RALYL: variants seen among roughly 807,000 people sequenced by gnomAD.
The protein encoded by RALYL is RNA-binding Raly-like protein.
Under a neutral mutation model 35.1 loss-of-function variants are expected in RALYL, and 29 were observed. The ratio of observed to expected loss-of-function variants is 0.83; its 90% CI spans 0.61 to 1.13. RALYL has a LOEUF of 1.13. RALYL is among the 50% of genes most tolerant of loss of function. The pLI is 0.00. For missense variants in RALYL, 359 were observed against 360.4 expected (o/e 1.00, Z 0.03); for synonymous variants, 120 against 127.6 (o/e 0.94, Z 0.40).
At chr8:84,695,232 C>T (rs1279874392) in intron 2 of RALYL, among the ~76,000 whole-genome samples, 1 of 151,702 alleles carries the variant, frequency 6.6e-6, no homozygotes, top group Non-Finnish European at 1.5e-5. Context: ...TCAGCTGTCA[C>T]TAACCTGTTC....
At chr8:84,217,922 G>A (rs1353653987) in intron 1 of RALYL, among the ~76,000 whole-genome samples, 2 of 151,984 alleles carry the variant, frequency 1.3e-5, no homozygotes, top group African/African-American at 4.8e-5. Context: ...ATGTGAAATG[G>A]CTATTATCAA....
At chr8:84,354,976 A>C (rs529342833) in intron 1 of RALYL, among the ~76,000 whole-genome samples, 2 of 150,328 alleles carry the variant, frequency 1.3e-5, no homozygotes, top group Admixed American at 1.3e-4. Flanking sequence ...GAGTGCTTCT[A>C]TCTCATGCGC....
chr8:84,892,953 A>G (rs1027470025), intron 8 of RALYL, among the ~76,000 whole-genome samples: 1 of 152,216 alleles, frequency 6.6e-6, no homozygotes, highest in African/African-American at 2.4e-5. Context: ...TTCTGAATAA[A>G]TCCACTAGCA....
chr8:84,460,562 G>A (rs779348026), intron 1 of RALYL, among the ~76,000 whole-genome samples: 2 of 151,460 alleles, frequency 1.3e-5, no homozygotes, highest in Non-Finnish European at 3.0e-5. Flanking sequence ...AAACATCAAG[G>A]TTCAGAACAG....
At chr8:84,351,438 C>T (rs1563774911) in intron 1 of RALYL, among the ~76,000 whole-genome samples, 1 of 149,624 alleles carries the variant, frequency 6.7e-6, no homozygotes, top group Non-Finnish European at 1.5e-5. Flanking sequence ...TTAGAATTTA[C>T]AGAATCCTGT....
chr8:84,524,628 C>G (rs555095191), intron 1 of RALYL, among the ~76,000 whole-genome samples: 5 of 152,200 alleles, frequency 3.3e-5, no homozygotes, highest in African/African-American at 1.2e-4. Context: ...AATATTTTAT[C>G]TAAAGCACAT....
chr8:84,246,063 C>T (rs1440630091), intron 1 of RALYL, among the ~76,000 whole-genome samples: 2 of 152,042 alleles, frequency 1.3e-5, no homozygotes, highest in Non-Finnish European at 2.9e-5. Flanking sequence ...GACAGTGGTC[C>T]TGGGAGAGAG....
intron 1 of RALYL, among the ~76,000 whole-genome samples, chr8:84,253,259 A>G (rs1830577724): frequency 7.9e-6 from 1 of 127,280 alleles, no homozygotes; most frequent in Non-Finnish European, 1.6e-5. Context: ...GTGCGATCTC[A>G]GCTCACTTCA....
chr8:84,474,170 G>C lies in RALYL; in HGVS notation c.-23-55129G>C, dbSNP rs79433272. Among the ~76,000 whole-genome samples the C allele has an allele frequency of 3.6e-4, 55 of 152,132 alleles. No individual in the cohort carries two copies. The East Asian group carries it at 0.01, about 29-fold the overall frequency. ...CTATCTTTAAAACAAAATTAAACAT[G>C]CGAAAGAAATGGAGGTTTAGTAATG... On this transcript the variant is annotated intron_variant, in intron 1 of 8. Transcript: ENST00000521268.
chr8:84,347,528 T>A lies in RALYL; in HGVS notation c.-24+163104T>A, dbSNP rs190354496. On this transcript the variant is annotated intron_variant, in intron 1 of 8. Transcript: ENST00000521268. Reference sequence around the variant, plus strand: ...TAATCTGCCCTCTCTAAGGTTAATATCCTGTTCTTCTTGGTTAGTTAGGAT... The same window carrying A: ...TAATCTGCCCTCTCTAAGGTTAATAACCTGTTCTTCTTGGTTAGTTAGGAT... Among the ~76,000 whole-genome samples the A allele has an allele frequency of 2.6e-5, 4 of 152,194 alleles. No individual in the cohort carries two copies. In the East Asian group the frequency reaches 7.8e-4, roughly 30 times the overall value.
chr8:84,257,411 G>T (rs1831409093), intron 1 of RALYL, among the ~76,000 whole-genome samples: 2 of 152,038 alleles, frequency 1.3e-5, no homozygotes, highest in African/African-American at 4.8e-5. Flanking sequence ...GTTACCACTG[G>T]CTATGCCTGG....
intron 1 of RALYL, among the ~76,000 whole-genome samples, chr8:84,471,409 C>A (rs2052728752): frequency 6.7e-6 from 1 of 149,508 alleles, no homozygotes; most frequent in African/African-American, 2.5e-5. Flanking sequence ...ATAGCAAGAC[C>A]ACATCTGTAC....
At chr8:84,583,408 G>A (rs1417603234) in intron 2 of RALYL, among the ~76,000 whole-genome samples, 6 of 152,096 alleles carry the variant, frequency 3.9e-5, no homozygotes, top group African/African-American at 4.8e-5. Context: ...ACAATGCAGT[G>A]CCATACTTAG....
At chr8:84,618,437 A>T (rs1820398125) in intron 2 of RALYL, among the ~76,000 whole-genome samples, 1 of 150,106 alleles carries the variant, frequency 6.7e-6, no homozygotes, top group African/African-American at 2.5e-5. Context: ...ATTGGTGGTG[A>T]TATCCCCTTT....
At chr8:84,482,489 C>T (rs1231061848) in intron 1 of RALYL, among the ~76,000 whole-genome samples, 2 of 151,946 alleles carry the variant, frequency 1.3e-5, no homozygotes, top group Non-Finnish European at 2.9e-5. Flanking sequence ...TGTTTGCAAA[C>T]AAGTAGCCTC....
At chr8:84,891,945 T>A (rs567449977) in intron 8 of RALYL, among the ~76,000 whole-genome samples, 4 of 152,310 alleles carry the variant, frequency 2.6e-5, no homozygotes, top group East Asian at 3.9e-4. Flanking sequence ...ACATGCCCAT[T>A]TGGCTGCTCA....
intron 1 of RALYL, among the ~76,000 whole-genome samples, 171 bp downstream of exon 1, chr8:84,184,595 A>G (rs528820754): frequency 1.3e-5 from 2 of 152,044 alleles, no homozygotes; most frequent in African/African-American, 4.8e-5. Flanking sequence ...GGGAAAACCA[A>G]AGTCCGTTCC....
chr8:84,496,031 GTGAAAGCACTA>G (rs1175196206), intron 1 of RALYL, among the ~76,000 whole-genome samples: 1 of 151,986 alleles, frequency 6.6e-6, no homozygotes, highest in East Asian at 1.9e-4. Context: ...AAGATAATAA[GTGAAAGCACTA>G]TGCATTATAC....
intron 1 of RALYL, among the ~76,000 whole-genome samples, chr8:84,270,349 T>G (rs552497532): frequency 6.6e-6 from 1 of 152,124 alleles, no homozygotes; most frequent in Non-Finnish European, 1.5e-5. Flanking sequence ...TTGAAAGGTT[T>G]TTGATAACAC....
Sources: allele counts gnomAD v4.1 joint callset (sites outside exome capture counted in the v4.1 genomes callset), GRCh38; gene constraint gnomAD v4.1.1; transcripts MANE v1.5; gene names NCBI Gene and HGNC (gene_info 2026-07-23, HGNC 2026-07-21).